SFT2D1: variants seen among roughly 807,000 people sequenced by gnomAD.
SFT2D1 encodes the protein SFT2 domain containing 1.
A neutral mutation model predicts 28.1 loss-of-function variants in SFT2D1; 24 were observed. The observed-to-expected ratio is 0.85, with a 90% CI of 0.62 to 1.20. The LOEUF is 1.20. Among genes scored for constraint, SFT2D1 ranks in the 50% most tolerant of loss-of-function variants. The probability of loss-of-function intolerance (pLI) is 0.00; values close to 1 mark genes in which losing one functional copy is unlikely to be tolerated. For synonymous variants in SFT2D1, 82 were observed against 73.7 expected, an observed-to-expected ratio of 1.11 and a Z score of -0.58; for missense variants, 181 against 190.9, an observed-to-expected ratio of 0.95 and a Z score of 0.31.
At chr6:166,327,648 T>C (rs1778472165) in intron 4 of SFT2D1, among the ~76,000 whole-genome samples, 1 of 152,040 alleles carries the variant, frequency 6.6e-6, no homozygotes, top group Non-Finnish European at 1.5e-5. Flanking sequence ...CATGAAACCA[T>C]CAGCAGGGCT....
intron 1 of SFT2D1, chr6:166,335,041 G>A (rs1189664810): frequency 1.9e-5 from 10 of 520,494 alleles, no homozygotes; most frequent in East Asian, 1.8e-4. Context: ...TGACAACCAC[G>A]ACGCTGTGGA....
chr6:166,330,294 C>A, intron 1 of SFT2D1, 47 bp from the exon 2 acceptor site: 2 of 1,245,354 alleles, frequency 1.6e-6, no homozygotes, highest in African/African-American at 1.5e-5. Flanking sequence ...AATTCACTAC[C>A]AATCTGATTC....
intron 1 of SFT2D1, among the ~76,000 whole-genome samples, chr6:166,332,562 G>A (rs1778571226): frequency 6.6e-6 from 1 of 152,186 alleles, no homozygotes; most frequent in Non-Finnish European, 1.5e-5. Flanking sequence ...CACCCAGCCT[G>A]CTTATCATAA....
chr6:166,335,236 T>G, intron 1 of SFT2D1: 1 of 596,562 alleles, frequency 1.7e-6, no homozygotes, highest in South Asian at 1.4e-5. Flanking sequence ...TGGAGGAAAT[T>G]TCAGTGGTCA....
intron 1 of SFT2D1, chr6:166,334,800 T>C (rs1272021609): frequency 4.8e-6 from 2 of 414,608 alleles, no homozygotes; most frequent in East Asian, 1.1e-4. Flanking sequence ...GGATGCGCCA[T>C]GAATGCAAAG....
intron 1 of SFT2D1, chr6:166,335,474 TTTTAC>T (rs747274116): frequency 7.0e-5 from 37 of 528,810 alleles, no homozygotes; most frequent in Middle Eastern, 6.4e-4. Flanking sequence ...CTTTGCCAAA[TTTTAC>T]TTTACTTTAC....
chr6:166,322,745 A>T, intron 7 of SFT2D1, 112 bp downstream of exon 7: 1 of 780,686 alleles, frequency 1.3e-6, no homozygotes, highest in South Asian at 1.7e-5. Flanking sequence ...ATTAAAATCA[A>T]CCAAAAAAAA....
chr6:166,333,648 A>G (rs1263902132), intron 1 of SFT2D1, among the ~76,000 whole-genome samples: 3 of 152,096 alleles, frequency 2.0e-5, no homozygotes, highest in African/African-American at 7.2e-5. Context: ...GGAGGTGCTG[A>G]GCTGAGCACT....
At chr6:166,340,883 C>T (rs1050133485) in intron 1 of SFT2D1, among the ~76,000 whole-genome samples, 9 of 152,224 alleles carry the variant, frequency 5.9e-5, no homozygotes, top group Admixed American at 5.9e-4. Context: ...CAGCACTTGT[C>T]TATACAGCCA....
At chr6:166,329,725 T>A in intron 2 of SFT2D1, 136 bp from the exon 3 acceptor site, 1 of 676,032 alleles carries the variant, frequency 1.5e-6, no homozygotes, top group Non-Finnish European at 2.4e-6. Flanking sequence ...GACAGTCTAG[T>A]CTGATTACAC....
At chr6:166,340,498 TG>T (rs1778757170) in intron 1 of SFT2D1, among the ~76,000 whole-genome samples, 1 of 152,242 alleles carries the variant, frequency 6.6e-6, no homozygotes, top group Non-Finnish European at 1.5e-5. Flanking sequence ...AGAGCCCCTC[TG>T]GCCTCCTTAC....
rs557005747 is a variant in SFT2D1, at chr6:166,322,054, G to A, written c.440+803C>T. On this transcript the variant is annotated intron_variant, in intron 7 of 7. Transcript: ENST00000361731. ...GCCCACACCACACCCAGCTAATTTT[G>A]TATTTTTTAGTAGAAACGAGGTTTT... Among the ~76,000 whole-genome samples, 4 of 152,188 alleles carry A rather than the reference G, an allele frequency of 2.6e-5. No individual in the cohort carries two copies. The East Asian group carries it at 7.7e-4, about 29-fold the overall frequency.
chr6:166,326,036 A>G, intron 5 of SFT2D1, 96 bp downstream of exon 5: 1 of 1,194,870 alleles, frequency 8.4e-7, no homozygotes, highest in Non-Finnish European at 1.2e-6. Context: ...TTTTAAAAAA[A>G]CAGATGAGCT....
chr6:166,342,326 G>A, intron 1 of SFT2D1, 93 bp downstream of exon 1: 8 of 1,173,232 alleles, frequency 6.8e-6, no homozygotes, highest in Admixed American at 5.3e-5. Context: ...CCAGACCCCC[G>A]GCCTCGCACC....
intron 7 of SFT2D1, among the ~76,000 whole-genome samples, chr6:166,320,872 G>A (rs1778341221): frequency 6.6e-6 from 1 of 152,324 alleles, no homozygotes; most frequent in South Asian, 2.1e-4. Flanking sequence ...ACGCCTGTAA[G>A]GCAGGTGGAT....
At chr6:166,337,957 G>C (rs571747687) in intron 1 of SFT2D1, among the ~76,000 whole-genome samples, 1 of 152,246 alleles carries the variant, frequency 6.6e-6, no homozygotes, top group African/African-American at 2.4e-5. Flanking sequence ...AGAGACTAAA[G>C]CTCTCTGCTC....
At chr6:166,333,121 G>T (rs535351673) in intron 1 of SFT2D1, among the ~76,000 whole-genome samples, 1 of 152,214 alleles carries the variant, frequency 6.6e-6, no homozygotes, top group Non-Finnish European at 1.5e-5. Flanking sequence ...ATAGCAGTGG[G>T]TATAAAAAGT....
chr6:166,341,994 G>A (rs1054258260), intron 1 of SFT2D1, among the ~76,000 whole-genome samples: 1 of 152,050 alleles, frequency 6.6e-6, no homozygotes, highest in East Asian at 1.9e-4. Flanking sequence ...TACCTCCAAA[G>A]ACAAACAGAT....
At chr6:166,339,843 G>A (rs1352752265) in intron 1 of SFT2D1, among the ~76,000 whole-genome samples, 1 of 152,096 alleles carries the variant, frequency 6.6e-6, no homozygotes, top group East Asian at 1.9e-4. Flanking sequence ...GTCAAACCTT[G>A]GACCTCATCT....
Sources: allele counts gnomAD v4.1 joint callset (sites outside exome capture counted in the v4.1 genomes callset), GRCh38; gene constraint gnomAD v4.1.1; transcripts MANE v1.5; gene names NCBI Gene and HGNC (gene_info 2026-07-23, HGNC 2026-07-21).